The following BCL11B variants were observed in gnomAD, a reference collection of about 807,000 sequenced individuals.
The protein encoded by BCL11B is B-cell lymphoma/leukemia 11B.
A neutral mutation model predicts 49.9 loss-of-function variants in BCL11B; 8 were observed. The observed-to-expected ratio is 0.16, with a 90% CI of 0.09 to 0.29. The LOEUF (loss-of-function observed/expected upper bound fraction) is 0.29. Ranked by LOEUF, BCL11B falls within the 10% of genes least tolerant of loss-of-function variation. The pLI, the probability that BCL11B is intolerant of heterozygous loss-of-function variation, is 1.00. For missense variants in BCL11B, 1,006 were observed against 1,351.0 expected, an observed-to-expected ratio of 0.74 and a Z score of 4.00; for synonymous variants, 739 against 637.4, an observed-to-expected ratio of 1.16 and a Z score of -2.40.
At chr14:99,244,592 A>T (rs1458916403) in intron 2 of BCL11B, among the ~76,000 whole-genome samples, 1 of 152,228 alleles carries the variant, frequency 6.6e-6, no homozygotes, top group Non-Finnish European at 1.5e-5. Context: ...CTGAGAAATC[A>T]GCGAGCAAGT....
rs1158432274 is a variant in BCL11B, at chr14:99,257,055, G to A, written c.427+416C>T. ...AACCCTAATGAGGTGGGTTTCCTTAGCTCCATTTCACAGATGGGCAAACTA... is the reference window on the plus strand; with the variant it reads ...AACCCTAATGAGGTGGGTTTCCTTAACTCCATTTCACAGATGGGCAAACTA... On this transcript the variant is annotated intron_variant, in intron 2 of 3. Coordinates refer to ENST00000357195, the MANE Select transcript of BCL11B (RefSeq NM_138576.4). This position sits in a 1 kb window ranked among gnomAD's most constrained non-coding sequence, Gnocchi z 6.2. Among the ~76,000 whole-genome samples the A allele has an allele frequency of 6.6e-6, 1 of 152,152 alleles. No homozygotes were observed. Among genetic ancestry groups the A allele is most frequent in the African/African-American group, 2.4e-5 (1 of 41,436 alleles).
In BCL11B at chr14:99,228,054, C is replaced by A. The variant is rs1888209412; in HGVS notation, c.640+3291G>T. On this transcript the variant is annotated intron_variant, in intron 3 of 3. Coordinates refer to ENST00000357195, the MANE Select transcript of BCL11B (RefSeq NM_138576.4). This position sits in a 1 kb window ranked among gnomAD's most constrained non-coding sequence, Gnocchi z 4.8. ...TTTTCTCCCCCCGTAAAATCACATC[C>A]TTCTATAAATAACTGCAGATGCGGT... is the stretch of plus-strand genomic sequence containing the variant. 6.6e-6 allele frequency among the ~76,000 whole-genome samples: 1 copy of A among 152,178 alleles called. No individual in the cohort carries two copies. The highest frequency in any genetic ancestry group is 1.5e-5 in the Non-Finnish European group (1 of 68,028).
Position 99,174,060 on chromosome 14 carries a change from G to T in BCL11B, c.*91C>A. The T allele has an allele frequency of 7.5e-7, 1 of 1,336,406 alleles. No homozygotes were observed. The highest frequency in any genetic ancestry group is 1.0e-6 in the Non-Finnish European group (1 of 970,330). The allele number at this position is 1,336,406 out of a possible 1,614,324, so 82.8% of individuals were successfully genotyped here. A position where few individuals can be genotyped will look rare whatever the true frequency, so the allele number is the denominator to read the frequency against. The stretch of plus-strand genomic sequence containing the variant: ...GGCCCCGGGGACACGCGGGGTGCGG[G>T]GTGGCGGTGACACGGAGGCAAGTCA... On this transcript the variant is annotated 3_prime_UTR_variant, in exon 4 of 4. Transcript: ENST00000357195.
At chr14:99,236,153 G>A (rs531098614) in intron 2 of BCL11B, among the ~76,000 whole-genome samples, 10 of 152,234 alleles carry the variant, frequency 6.6e-5, no homozygotes, top group African/African-American at 2.2e-4. Context: ...AATGGGAGCC[G>A]GGAAAGATTT....
rs542470129 is a variant in BCL11B, at chr14:99,267,847, G to A, written c.58+3314C>T. Among the ~76,000 whole-genome samples the A allele has an allele frequency of 3.9e-5, 6 of 152,308 alleles. 1 individual carries two copies. The South Asian group carries it at 1.2e-3, about 32-fold the overall frequency. On this transcript the variant is annotated intron_variant, in intron 1 of 3. Transcript: ENST00000357195. ...ACTAATCTTCCTAGGAAACCTGTTG[G>A]TGGGTTGTTGAGAAAATCACCTTGA...
chr14:99,194,289 G>A lies in BCL11B; in HGVS notation c.641-18094C>T, dbSNP rs192901155. 9.9e-5 allele frequency among the ~76,000 whole-genome samples: 15 copies of A among 152,200 alleles called. No homozygotes were observed. The highest frequency in any genetic ancestry group is 3.9e-4 in the Admixed American group (6 of 15,298). On this transcript the variant is annotated intron_variant, in intron 3 of 3. Coordinates refer to ENST00000357195, the MANE Select transcript of BCL11B (RefSeq NM_138576.4). This position sits in a 1 kb window ranked among gnomAD's most constrained non-coding sequence, Gnocchi z 4.6. ...CAGCAGAAGTCACAGTCAGCAAACC[G>A]CCAAGGCCTTCCCCGGACTGCACTG...
intron 3 of BCL11B, among the ~76,000 whole-genome samples, chr14:99,200,907 C>G (rs540345452): frequency 1.3e-5 from 2 of 152,330 alleles, no homozygotes; most frequent in African/African-American, 2.4e-5. Context: ...AAGCAGCCCC[C>G]CAGTGGTCCA....
intron 3 of BCL11B, among the ~76,000 whole-genome samples, chr14:99,227,509 T>G (rs1888192091): frequency 6.6e-6 from 1 of 152,126 alleles, no homozygotes; most frequent in Admixed American, 6.5e-5. Flanking sequence ...AGGGAAGGAT[T>G]CTGGCATGCG....
At chr14:99,267,792 T>G (rs116479319) in intron 1 of BCL11B, among the ~76,000 whole-genome samples, 1 of 152,342 alleles carries the variant, frequency 6.6e-6, no homozygotes, top group Non-Finnish European at 1.5e-5. Context: ...TCTAGTTGTT[T>G]TACAAAATCG....
intron 2 of BCL11B, among the ~76,000 whole-genome samples, chr14:99,237,278 C>A (rs1371755248): frequency 6.7e-6 from 1 of 150,092 alleles, no homozygotes. Context: ...GGTCTAGGAA[C>A]CAGCAATGAC....
intron 2 of BCL11B, among the ~76,000 whole-genome samples, chr14:99,233,436 C>T (rs1436293951): frequency 2.6e-5 from 4 of 152,192 alleles, no homozygotes; most frequent in East Asian, 3.9e-4. Context: ...TCTAGAGCAA[C>T]GGCCACATAG....
chr14:99,237,039 TTCTC>T (rs1303558502), intron 2 of BCL11B, among the ~76,000 whole-genome samples: 2 of 150,226 alleles, frequency 1.3e-5, no homozygotes, highest in East Asian at 2.0e-4. Context: ...TCATTTGTCT[TTCTC>T]TCAATCCCTT....
Position 99,205,408 on chromosome 14 carries a change from G to A in BCL11B, c.640+25937C>T, listed in dbSNP as rs552636000. ...CAAGTTTGACGGTTTGGGAAAATTCGCGGACTCTCCCAAAGCCTGCATCTC... is the reference window on the plus strand; with the variant it reads ...CAAGTTTGACGGTTTGGGAAAATTCACGGACTCTCCCAAAGCCTGCATCTC... On this transcript the variant is annotated intron_variant, in intron 3 of 3. Transcript: ENST00000357195. This position sits in a 1 kb window ranked among gnomAD's most constrained non-coding sequence, Gnocchi z 5.0. Among the ~76,000 whole-genome samples the A allele has an allele frequency of 1.3e-3, 200 of 152,248 alleles. No homozygotes were observed. The highest frequency in any genetic ancestry group is 4.5e-3 in the African/African-American group (187 of 41,540).
rs1219898977 is a variant in BCL11B at position 99,175,999 on chromosome 14, G to A, written c.837C>T (p.Leu279=). ...LGPEAVAQSP[L]MNFLGDSNPF... is the part of the protein sequence containing the mutation. ...GGTTGCTGTCGCCCAGGAAATTCAT[G>A]AGCGGGGACTGCGCCACGGCCTCCG... Residue 279 remains leucine, a synonymous_variant, in exon 4 of 4, where the codon CTC becomes CTT. Transcript: ENST00000357195. The A allele has an allele frequency of 6.5e-7, 1 of 1,527,116 alleles. No individual in the cohort carries two copies. 94.6% of individuals were successfully genotyped at this position (1,527,116 alleles called of 1,614,324 possible).
chr14:99,264,233 G>C (rs1394202817), intron 1 of BCL11B: 2 of 152,162 alleles, frequency 1.3e-5, no homozygotes, highest in East Asian at 3.9e-4. Flanking sequence ...CAAATAGCAA[G>C]GGCAGGAGTG....
rs968378271 is a variant in BCL11B, at chr14:99,220,453, G to A, written c.640+10892C>T. Among the ~76,000 whole-genome samples the A allele has an allele frequency of 1.4e-4, 21 of 152,136 alleles. 1 individual carries two copies. Among genetic ancestry groups the A allele is most frequent in the Non-Finnish European group, 2.6e-4 (18 of 68,024 alleles). ...ACGTGCTACAACATGGATGGACCTC[G>A]AAGACACTATACTAAGTGAAATGAG... On this transcript the variant is annotated intron_variant, in intron 3 of 3. Coordinates refer to ENST00000357195, the MANE Select transcript of BCL11B (RefSeq NM_138576.4).
chr14:99,270,917 G>T (rs1382333189), intron 1 of BCL11B, among the ~76,000 whole-genome samples: 1 of 150,668 alleles, frequency 6.6e-6, no homozygotes, highest in Non-Finnish European at 1.5e-5. Flanking sequence ...GCCCGGAGCC[G>T]GCTCCGCAGG....
At chr14:99,185,905 G>A (rs974879734) in intron 3 of BCL11B, among the ~76,000 whole-genome samples, 3 of 152,196 alleles carry the variant, frequency 2.0e-5, no homozygotes, top group African/African-American at 4.8e-5. Context: ...ATGAGAGCAC[G>A]GCTTCACCGT....
chr14:99,171,635 A>C lies in BCL11B; in HGVS notation c.*2516T>G, dbSNP rs1387126666. ...ATTTTTTTTTTTTCTGCAAAGCAATAACAATATTAAGCACTTTTTTTCTAC... is the reference window on the plus strand; with the variant it reads ...ATTTTTTTTTTTTCTGCAAAGCAATCACAATATTAAGCACTTTTTTTCTAC... On this transcript the variant is annotated 3_prime_UTR_variant, in exon 4 of 4. Coordinates refer to ENST00000357195, the MANE Select transcript of BCL11B (RefSeq NM_138576.4). 2.9e-5 allele frequency: 6 copies of C among 210,294 alleles called. No homozygotes were observed. The East Asian group carries it at 4.3e-4, about 15-fold the overall frequency. 13.0% of individuals were successfully genotyped at this position (210,294 alleles called of 1,614,324 possible). A position where few individuals can be genotyped will look rare whatever the true frequency, so the allele number is the denominator to read the frequency against.
Sources: allele counts gnomAD v4.1 joint callset (sites outside exome capture counted in the v4.1 genomes callset), GRCh38; gene constraint gnomAD v4.1.1; non-coding constraint Gnocchi (gnomAD v3.1); transcripts MANE v1.5; gene names NCBI Gene and HGNC (gene_info 2026-07-23, HGNC 2026-07-21).